FILIP1L: variants seen among roughly 807,000 people sequenced by gnomAD.
FILIP1L encodes filamin A interacting protein 1 like, also known as filamin A-interacting protein 1-like.
FILIP1L carries 55 observed loss-of-function variants against 96.6 expected under a neutral mutation model. The ratio of observed to expected loss-of-function variants is 0.57; its 90% CI spans 0.46 to 0.71. The LOEUF (loss-of-function observed/expected upper bound fraction) is 0.71, where lower values mean the gene tolerates loss of function less well. Ranked by LOEUF, FILIP1L falls within the 30% of genes least tolerant of loss-of-function variation. FILIP1L has a pLI of 0.00. For missense variants in FILIP1L, 1,304 were observed against 1,321.2 expected (o/e 0.99, Z 0.20); for synonymous variants, 467 against 473.9 (o/e 0.99, Z 0.19).
intron 5 of FILIP1L, among the ~76,000 whole-genome samples, chr3:99,842,504 C>CA (rs10935983): frequency 3.6e-4 from 47 of 131,500 alleles, no homozygotes; most frequent in South Asian, 1.2e-3. Context: ...TAAAACAGGC[C>CA]AAAAAAAAAA....
chr3:99,982,730 CT>C (rs2107734765), intron 1 of FILIP1L, among the ~76,000 whole-genome samples: 1 of 152,266 alleles, frequency 6.6e-6, no homozygotes, highest in African/African-American at 2.4e-5. Flanking sequence ...TTGCATGATT[CT>C]GTTAATGCCA....
chr3:100,031,200 A>G (rs2065016517), intron 1 of FILIP1L, among the ~76,000 whole-genome samples: 1 of 152,176 alleles, frequency 6.6e-6, no homozygotes, highest in Admixed American at 6.5e-5. Flanking sequence ...AAAACAAGTG[A>G]TTCAGTCTCA....
intron 1 of FILIP1L, among the ~76,000 whole-genome samples, chr3:99,943,272 G>A (rs1707904912): frequency 6.6e-6 from 1 of 152,184 alleles, no homozygotes; most frequent in South Asian, 2.1e-4. Context: ...TTCAAAGGAG[G>A]TTTGAAGACA....
At chr3:100,011,824 G>A (rs1710165514) in intron 1 of FILIP1L, 1 of 152,050 alleles carries the variant, frequency 6.6e-6, no homozygotes, top group Admixed American at 6.6e-5. Context: ...AAGGATGAGT[G>A]GCTGAATGGT....
Position 99,849,002 on chromosome 3 carries a change from G to C in FILIP1L, c.2674C>G (p.Leu892Val), listed in dbSNP as rs761044043. The C allele has an allele frequency of 7.4e-6, 12 of 1,614,142 alleles. No homozygotes were observed. In the East Asian group the frequency reaches 8.9e-5, roughly 12 times the overall value. Residue 892 changes from leucine (L) to valine (V), a missense_variant, in exon 5 of 6, where the codon CTA becomes GTA. Coordinates refer to ENST00000477258, the MANE Select transcript of FILIP1L (RefSeq NM_001387850.1). ...TGCCCAGGTGTGTGGCTTAGGACTA[G>C]ATCTCCAGGTTGCACAAAGTTGGCA... ...PNANFVQPGDLVLSHTPGQPL... is the reference protein window; with the variant it reads ...PNANFVQPGDVVLSHTPGQPL...
intron 4 of FILIP1L, among the ~76,000 whole-genome samples, chr3:99,906,043 A>C (rs946713930): frequency 6.6e-6 from 1 of 152,118 alleles, no homozygotes; most frequent in Non-Finnish European, 1.5e-5. Flanking sequence ...AAATACAAAC[A>C]TTAGCTGGGC....
chr3:100,009,526 A>C (rs985051137), intron 1 of FILIP1L, among the ~76,000 whole-genome samples: 1 of 152,006 alleles, frequency 6.6e-6, no homozygotes. Flanking sequence ...CGTCACCTCC[A>C]CTACACTGAG....
At chr3:100,113,143 T>C (rs924821101) in intron 1 of FILIP1L, among the ~76,000 whole-genome samples, 3 of 152,248 alleles carry the variant, frequency 2.0e-5, no homozygotes, top group Non-Finnish European at 1.5e-5. Flanking sequence ...AAGAAAGATA[T>C]GTAATCATTA....
In FILIP1L at chr3:99,848,547, C is replaced by G. The variant is rs1232127977; in HGVS notation, c.3129G>C (p.Gln1043His). ...AGCTATTGCTGTTTGAACGCTGAAACTGCCATGATGACTGCCGGTCTGGGG... is the reference window on the plus strand; with the variant it reads ...AGCTATTGCTGTTTGAACGCTGAAAGTGCCATGATGACTGCCGGTCTGGGG... ...RVSPDRQSSWQFQRSNSNSSS... is the reference protein window; with the variant it reads ...RVSPDRQSSWHFQRSNSNSSS... Residue 1043 changes from glutamine to histidine, a missense_variant, in exon 5 of 6, where the codon CAG (glutamine) becomes CAC (histidine). By Grantham distance (24) the Gln-to-His change is conservative (BLOSUM62 0). Transcript: ENST00000477258. The G allele has an allele frequency of 9.9e-6, 16 of 1,614,072 alleles. No homozygotes were observed. Among genetic ancestry groups the G allele is most frequent in the Non-Finnish European group, 1.3e-5 (15 of 1,180,036 alleles).
At chr3:100,034,410 G>A (rs1240476906) in intron 1 of FILIP1L, among the ~76,000 whole-genome samples, 1 of 152,190 alleles carries the variant, frequency 6.6e-6, no homozygotes, top group African/African-American at 2.4e-5. Context: ...AGATGTAATG[G>A]AAAGAATTCA....
intron 4 of FILIP1L, among the ~76,000 whole-genome samples, chr3:99,888,654 ACTGG>A (rs1705985434): frequency 1.3e-5 from 2 of 152,196 alleles, no homozygotes; most frequent in South Asian, 4.1e-4. Context: ...AATTTTATAT[ACTGG>A]CTGTGGAAGG....
At chr3:99,836,756 C>CACTATCCAGG (rs1382297841) in intron 5 of FILIP1L, among the ~76,000 whole-genome samples, 1 of 152,200 alleles carries the variant, frequency 6.6e-6, no homozygotes, top group African/African-American at 2.4e-5. Flanking sequence ...GTGATTGAAC[C>CACTATCCAGG]ACTATCCAGG....
At chr3:100,034,982 A>C (rs2065082343) in intron 1 of FILIP1L, among the ~76,000 whole-genome samples, 1 of 152,166 alleles carries the variant, frequency 6.6e-6, no homozygotes, top group African/African-American at 2.4e-5. Context: ...GTCAAGAAAA[A>C]AGCCATTTTG....
At chr3:100,032,636 C>T (rs766778) in intron 1 of FILIP1L, among the ~76,000 whole-genome samples, 92,167 of 151,970 alleles carry the variant, frequency 0.61, 28,071 homozygotes, top group East Asian at 0.72. Flanking sequence ...GCTATATTGA[C>T]GAACTTTAAA....
chr3:99,928,274 G>A (rs749642403), intron 3 of FILIP1L, among the ~76,000 whole-genome samples: 1 of 152,190 alleles, frequency 6.6e-6, no homozygotes, highest in Admixed American at 6.5e-5. Context: ...TTCCTAGACC[G>A]AGGAAAAGGA....
In FILIP1L at chr3:99,848,222, G is replaced by T. The variant is rs1441105702; in HGVS notation, c.3381+73C>A. Reference sequence around the variant, plus strand: ...GGATATGGAGGGATGATTAAAAAAGGATTGAGTTCCTTGCAAAAATATCAG... The same window carrying T: ...GGATATGGAGGGATGATTAAAAAAGTATTGAGTTCCTTGCAAAAATATCAG... On this transcript the variant is annotated intron_variant, in intron 5 of 5. Transcript: ENST00000477258. The T allele has an allele frequency of 9.5e-6, 15 of 1,579,168 alleles. No individual in the cohort carries two copies. The East Asian group carries it at 3.4e-4, about 35-fold the overall frequency.
intron 4 of FILIP1L, among the ~76,000 whole-genome samples, chr3:99,861,804 G>A (rs558138778): frequency 1.3e-5 from 2 of 152,158 alleles, no homozygotes; most frequent in Admixed American, 6.6e-5. Context: ...AGTGCAGAGC[G>A]AGAAATTCAG....
Position 99,910,706 on chromosome 3 carries a change from A to G in FILIP1L, c.605+13524T>C, listed in dbSNP as rs1247678120. On this transcript the variant is annotated intron_variant, in intron 4 of 5. Coordinates refer to ENST00000477258, the MANE Select transcript of FILIP1L (RefSeq NM_001387850.1). ...TTTATATTTTCCCTTTGGCCTATAG[A>G]TCTCAAATTCTTTGCCCAAATAGTT... is the stretch of plus-strand genomic sequence containing the variant. Among the ~76,000 whole-genome samples the G allele has an allele frequency of 3.5e-5, 3 of 86,954 alleles. 1 individual carries two copies. The highest frequency in any genetic ancestry group is 9.2e-5 in the African/African-American group (3 of 32,442). 57.0% of individuals were successfully genotyped at this position (86,954 alleles called of 152,430 possible).
rs202089525 is a variant in FILIP1L at position 99,848,728 on chromosome 3, C to T, written c.2948G>A (p.Arg983Lys). 4.3e-6 allele frequency: 7 copies of T among 1,614,048 alleles called. No individual in the cohort carries two copies. Among genetic ancestry groups the T allele is most frequent in the Non-Finnish European group, 5.9e-6 (7 of 1,180,026 alleles). Residue 983 changes from arginine (R) to lysine (K), a missense_variant, in exon 5 of 6, where the codon AGA (arginine) becomes AAA (lysine). By Grantham distance (26) the Arg-to-Lys change is conservative (BLOSUM62 2). Transcript: ENST00000477258. Reference sequence around the variant, plus strand: ...ACCACAAGACTCTGGGGTCTGTGCTCTGGCAAAGGTTGCCATGGTAATTGG... The same window carrying T: ...ACCACAAGACTCTGGGGTCTGTGCTTTGGCAAAGGTTGCCATGGTAATTGG... Reference protein sequence around the residue: ...MSPITMATFARAQTPESCGSL... With the variant: ...MSPITMATFAKAQTPESCGSL...
Sources: gnomAD v4.1 joint callset for allele counts (sites outside exome capture counted in the v4.1 genomes callset) on GRCh38, gnomAD v4.1.1 for gene constraint, MANE v1.5 for transcripts, NCBI Gene and HGNC (gene_info 2026-07-23, HGNC 2026-07-21) for gene names.